Variants in FHIT observed in about 807,000 individuals in gnomAD.
The protein encoded by FHIT is bis(5'-adenosyl)-triphosphatase.
FHIT carries 19 observed loss-of-function variants against 17.9 expected under a neutral mutation model. That is an observed-to-expected ratio of 1.06 (90% CI 0.74 to 1.56). The LOEUF is 1.56. FHIT is among the 40% of genes most tolerant of loss of function. The pLI is 0.00. For synonymous variants in FHIT, 81 were observed against 69.7 expected (o/e 1.16, Z -0.81); for missense variants, 248 against 189.2 (o/e 1.31, Z -1.82).
At chr3:59,997,994 G>A (rs1443235822) in intron 7 of FHIT, among the ~76,000 whole-genome samples, 3 of 152,094 alleles carry the variant, frequency 2.0e-5, no homozygotes, top group Non-Finnish European at 2.9e-5. Context: ...GGTATCAAGG[G>A]ATAATTAGGA....
At chr3:61,064,235 G>GAC (rs1350756977) in intron 2 of FHIT, among the ~76,000 whole-genome samples, 4 of 151,870 alleles carry the variant, frequency 2.6e-5, no homozygotes, top group African/African-American at 9.7e-5. Flanking sequence ...AATGGAAAGA[G>GAC]AGAGAGAGGC....
intron 4 of FHIT, among the ~76,000 whole-genome samples, chr3:60,758,138 C>G (rs1553718788): frequency 6.6e-6 from 1 of 152,296 alleles, no homozygotes; most frequent in East Asian, 1.9e-4. Context: ...TGTATCCCAC[C>G]ACCCAGGGCT....
At chr3:59,890,164 C>T (rs908448538) in intron 8 of FHIT, among the ~76,000 whole-genome samples, 9 of 152,056 alleles carry the variant, frequency 5.9e-5, no homozygotes, top group South Asian at 2.1e-4. Context: ...TTTCCAAGTA[C>T]GAAATTAACT....
chr3:60,123,868 T>A (rs1410427281), intron 5 of FHIT, among the ~76,000 whole-genome samples: 1 of 143,106 alleles, frequency 7.0e-6, no homozygotes, highest in African/African-American at 2.5e-5. Context: ...TCATTCAACC[T>A]GGAATGAGAC....
At chr3:60,626,111 A>C (rs557388854) in intron 4 of FHIT, among the ~76,000 whole-genome samples, 12 of 152,016 alleles carry the variant, frequency 7.9e-5, no homozygotes, top group Non-Finnish European at 1.6e-4. Flanking sequence ...TCAGCACTAC[A>C]CTCTCTTGAT....
intron 5 of FHIT, among the ~76,000 whole-genome samples, chr3:60,527,962 A>G (rs2035636259): frequency 6.6e-6 from 1 of 152,236 alleles, no homozygotes; most frequent in Non-Finnish European, 1.5e-5. Flanking sequence ...AACCACTCAT[A>G]GGCCAATGAG....
At chr3:60,678,402 T>A (rs1294149045) in intron 4 of FHIT, among the ~76,000 whole-genome samples, 1 of 152,204 alleles carries the variant, frequency 6.6e-6, no homozygotes, top group Non-Finnish European at 1.5e-5. Flanking sequence ...CATGTTATTA[T>A]AGAGGTCAAT....
At chr3:61,045,280 G>A (rs2033728382) in intron 2 of FHIT, among the ~76,000 whole-genome samples, 1 of 152,130 alleles carries the variant, frequency 6.6e-6, no homozygotes, top group South Asian at 2.1e-4. Flanking sequence ...ATAAAGGGAT[G>A]GAGGAAGATC....
chr3:60,011,380 C>G lies in FHIT; in HGVS notation c.270G>C (p.Gln90His), dbSNP rs755326397. ...CATAATAAGCACTCACCTTCACAGT[C>G]TGTCCGGCTTCGGGGCCATCCTAGA... Reference protein sequence around the residue: ...FSMQDGPEAGQTVKHVHVHVL... With the variant: ...FSMQDGPEAGHTVKHVHVHVL... The change falls in exon 7 of 10, where the codon CAG becomes CAC. Residue 90 changes from glutamine to histidine, a missense_variant. Gln to His is a conservative substitution (Grantham distance 24, BLOSUM62 0). Transcript: ENST00000492590. 4 of 1,613,760 alleles carry G rather than the reference C, an allele frequency of 2.5e-6. No homozygotes were observed. In the Admixed American group the frequency reaches 6.7e-5, roughly 27 times the overall value.
intron 5 of FHIT, among the ~76,000 whole-genome samples, chr3:60,057,556 G>T (rs80187608): frequency 0.027 from 4,119 of 152,244 alleles, 65 homozygotes; most frequent in Non-Finnish European, 0.033. Flanking sequence ...ATGATATTGT[G>T]ATTCTGAAAC....
At chr3:60,990,075 C>T (rs1274882724) in intron 3 of FHIT, among the ~76,000 whole-genome samples, 7 of 151,990 alleles carry the variant, frequency 4.6e-5, no homozygotes, top group Non-Finnish European at 1.0e-4. Flanking sequence ...GTCCCAGCCC[C>T]GCCCATCACA....
At chr3:60,787,113 C>A (rs1575524205) in intron 4 of FHIT, among the ~76,000 whole-genome samples, 1 of 152,024 alleles carries the variant, frequency 6.6e-6, no homozygotes, top group Non-Finnish European at 1.5e-5. Context: ...CTTCTAGCTA[C>A]AATTCCCAAG....
rs562014573 is a variant in FHIT at position 61,006,622 on chromosome 3, T to C, written c.-111+35425A>G. ...AAACATATTCTTTTTTTTTTTTTTT[T>C]ACAATTAACTGCATTTGGAGAACTG... On this transcript the variant is annotated intron_variant, in intron 3 of 9. Coordinates refer to ENST00000492590, the MANE Select transcript of FHIT (RefSeq NM_002012.4). 5.9e-4 allele frequency among the ~76,000 whole-genome samples: 84 copies of C among 141,224 alleles called. 1 individual carries two copies. The South Asian group carries it at 0.016, about 27-fold the overall frequency. The allele number at this position is 141,224 out of a possible 152,430, so 92.6% of individuals were successfully genotyped here. A position where few individuals can be genotyped will look rare whatever the true frequency, so the allele number is the denominator to read the frequency against.
At chr3:60,233,108 G>A (rs773825378) in intron 5 of FHIT, among the ~76,000 whole-genome samples, 1 of 152,074 alleles carries the variant, frequency 6.6e-6, no homozygotes. Context: ...TTGAAACTCG[G>A]CAATGGGTAC....
intron 5 of FHIT, among the ~76,000 whole-genome samples, chr3:60,148,359 G>A (rs1259175610): frequency 6.6e-6 from 1 of 152,134 alleles, no homozygotes; most frequent in East Asian, 1.9e-4. Flanking sequence ...TTTGAAAATA[G>A]GGAAAATAAC....
chr3:59,919,757 T>C (rs961941891), intron 8 of FHIT, among the ~76,000 whole-genome samples: 3 of 152,192 alleles, frequency 2.0e-5, no homozygotes, highest in Non-Finnish European at 4.4e-5. Flanking sequence ...AGTCTGTTTG[T>C]TGAATGTCCT....
chr3:59,760,420 T>C (rs982306132), intron 8 of FHIT, among the ~76,000 whole-genome samples: 1 of 152,190 alleles, frequency 6.6e-6, no homozygotes, highest in Non-Finnish European at 1.5e-5. Context: ...AAATGAGACT[T>C]TGCTAGCATC....
At chr3:60,471,537 C>T (rs2033089044) in intron 5 of FHIT, among the ~76,000 whole-genome samples, 1 of 152,120 alleles carries the variant, frequency 6.6e-6, no homozygotes, top group Non-Finnish European at 1.5e-5. Flanking sequence ...CTCTCCTTCC[C>T]CCAAGCACAA....
At chr3:60,927,228 T>G (rs1337026131) in intron 3 of FHIT, among the ~76,000 whole-genome samples, 1 of 152,192 alleles carries the variant, frequency 6.6e-6, no homozygotes, top group Non-Finnish European at 1.5e-5. Context: ...CTCCAGCTCC[T>G]GACCTCCAGT....
Sources: gnomAD v4.1 joint callset for allele counts (sites outside exome capture counted in the v4.1 genomes callset) on GRCh38, gnomAD v4.1.1 for gene constraint, MANE v1.5 for transcripts, NCBI Gene and HGNC (gene_info 2026-07-23, HGNC 2026-07-21) for gene names.